ZCCHC17: variants seen among roughly 807,000 people sequenced by gnomAD.
ZCCHC17 encodes the protein zinc finger CCHC-type containing 17, also known as zinc finger CCHC domain-containing protein 17.
Under a neutral mutation model 30.6 loss-of-function variants are expected in ZCCHC17, and 18 were observed. The ratio of observed to expected loss-of-function variants is 0.59; its 90% CI spans 0.41 to 0.87. ZCCHC17 has a LOEUF of 0.87. Among genes scored for constraint, ZCCHC17 ranks in the 40% least tolerant of loss-of-function variants. The pLI, the probability that ZCCHC17 is intolerant of heterozygous loss-of-function variation, is 0.00. For synonymous variants in ZCCHC17, 88 were observed against 92.4 expected, an observed-to-expected ratio of 0.95 and a Z score of 0.27; for missense variants, 263 against 284.2, an observed-to-expected ratio of 0.93 and a Z score of 0.54.
At chr1:31,360,270 A>G (rs1186004739) in intron 7 of ZCCHC17, among the ~76,000 whole-genome samples, 1 of 152,142 alleles carries the variant, frequency 6.6e-6, no homozygotes, top group African/African-American at 2.4e-5. Flanking sequence ...CCCACGCTCA[A>G]GCGATTCTCC....
chr1:31,300,173 C>G (rs778840271), intron 1 of ZCCHC17, among the ~76,000 whole-genome samples: 1 of 152,154 alleles, frequency 6.6e-6, no homozygotes, highest in Non-Finnish European at 1.5e-5. Context: ...GATCCTCCCA[C>G]CTCAGCCTCT....
rs74065835 is a variant in ZCCHC17, at chr1:31,325,432, A to C, written c.124+6266A>C. ...GGGCTTTATGGTTCCTGGCCTCTCC[A>C]AGCTTCTGGGCACCACCATGTTCCC... On this transcript the variant is annotated intron_variant, in intron 3 of 7. Coordinates refer to ENST00000344147, the MANE Select transcript of ZCCHC17 (RefSeq NM_016505.4). Among the ~76,000 whole-genome samples, 392 of 152,272 alleles carry C rather than the reference A, an allele frequency of 2.6e-3. 2 individuals carry two copies. The highest frequency in any genetic ancestry group is 9.0e-3 in the African/African-American group (375 of 41,566).
At position 31,355,792 on chromosome 1, in the gene ZCCHC17, G is replaced by A. The variant is rs1639622093; in HGVS notation, c.564+6818G>A. 2.0e-5 allele frequency among the ~76,000 whole-genome samples: 3 copies of A among 152,118 alleles called. No homozygotes were observed. In the South Asian group the frequency reaches 6.2e-4, roughly 32 times the overall value. On this transcript the variant is annotated intron_variant, in intron 7 of 7. Coordinates refer to ENST00000344147, the MANE Select transcript of ZCCHC17 (RefSeq NM_016505.4). ...TAGCCATCATGTGATGTTATCTATT[G>A]ATTTGTTTCTGCTCACAACTGTAAA... is the stretch of plus-strand genomic sequence containing the variant.
intron 5 of ZCCHC17, among the ~76,000 whole-genome samples, chr1:31,342,362 T>A (rs1639080064): frequency 6.6e-6 from 1 of 152,128 alleles, no homozygotes; most frequent in Admixed American, 6.5e-5. Context: ...GTACTTTCAT[T>A]TACTCATTTG....
In ZCCHC17 at chr1:31,319,132, G is replaced by C; in HGVS notation, c.90G>C (p.Gly30=). The change falls in exon 3 of 8, where the codon GGG becomes GGC. Residue 30 remains glycine, a synonymous_variant. Transcript: ENST00000344147. The part of the protein sequence containing the change: ...QGEVAMVTDY[G]AFIKIPGCRK... ...AGGTTGCTATGGTGACAGACTATGG[G>C]GCCTTTATCAAAATCCCAGGCTGTC... The C allele has an allele frequency of 6.2e-7, 1 of 1,610,234 alleles. No individual in the cohort carries two copies. Among genetic ancestry groups the C allele is most frequent in the Admixed American group, 1.7e-5 (1 of 59,962 alleles).
At chr1:31,329,033 G>T (rs574534442) in intron 3 of ZCCHC17, among the ~76,000 whole-genome samples, 2 of 152,220 alleles carry the variant, frequency 1.3e-5, no homozygotes, top group South Asian at 4.1e-4. Flanking sequence ...CCCTCTGATC[G>T]CTTGGTCTTT....
chr1:31,328,830 T>C (rs1261265501), intron 3 of ZCCHC17, among the ~76,000 whole-genome samples: 1 of 152,154 alleles, frequency 6.6e-6, no homozygotes, highest in Middle Eastern at 3.2e-3. Flanking sequence ...CCAACCCTCC[T>C]CTTTCTTCCT....
chr1:31,339,931 T>G (rs1638971393), intron 5 of ZCCHC17, among the ~76,000 whole-genome samples: 1 of 151,490 alleles, frequency 6.6e-6, no homozygotes, highest in Admixed American at 6.6e-5. Context: ...CAAGGAATGT[T>G]CTGTCTGTCT....
chr1:31,310,853 A>T (rs978453020), intron 2 of ZCCHC17, among the ~76,000 whole-genome samples: 1 of 152,198 alleles, frequency 6.6e-6, no homozygotes, highest in Non-Finnish European at 1.5e-5. Context: ...ACATCTGGCC[A>T]TCACCCTTGA....
intron 3 of ZCCHC17, among the ~76,000 whole-genome samples, chr1:31,334,335 CTCTGTGTGTGTGTG>C (rs1401686637): frequency 2.8e-3 from 157 of 56,740 alleles, no homozygotes; most frequent in East Asian, 0.01. Context: ...CTCTCTCTCT[CTCTGTGTGTGTGTG>C]TGTGTGTGTG....
At chr1:31,329,927 G>A (rs1451321908) in intron 3 of ZCCHC17, among the ~76,000 whole-genome samples, 2 of 152,194 alleles carry the variant, frequency 1.3e-5, no homozygotes, top group Non-Finnish European at 2.9e-5. Flanking sequence ...CTATAATATA[G>A]TTTAAGCGTT....
At chr1:31,306,112 A>C (rs1255329953) in intron 1 of ZCCHC17, among the ~76,000 whole-genome samples, 1 of 152,202 alleles carries the variant, frequency 6.6e-6, no homozygotes, top group Admixed American at 6.5e-5. Context: ...CAAAACTAAC[A>C]TGAATGTTTT....
intron 2 of ZCCHC17, among the ~76,000 whole-genome samples, chr1:31,317,029 T>C (rs35811261): frequency 1.4e-5 from 2 of 146,296 alleles, no homozygotes; most frequent in Admixed American, 6.8e-5. Flanking sequence ...TTTTTCTTTT[T>C]TTTTTTTTTT....
intron 5 of ZCCHC17, among the ~76,000 whole-genome samples, chr1:31,344,698 A>G (rs1639174845): frequency 1.3e-5 from 2 of 152,214 alleles, no homozygotes; most frequent in Admixed American, 1.3e-4. Context: ...AGTCTGGTAG[A>G]AGCCACAGAG....
intron 5 of ZCCHC17, among the ~76,000 whole-genome samples, chr1:31,341,896 T>C (rs907235004): frequency 2.0e-5 from 3 of 152,214 alleles, no homozygotes; most frequent in African/African-American, 7.2e-5. Flanking sequence ...TTTTATCCTC[T>C]AATATCTGAG....
chr1:31,338,844 C>A, intron 4 of ZCCHC17, 113 bp from the exon 5 acceptor site: 1 of 657,690 alleles, frequency 1.5e-6, no homozygotes, highest in Non-Finnish European at 2.6e-6. Context: ...AGCACAGTAC[C>A]TGGTCCATTA....
rs117990250 is a variant in ZCCHC17 at position 31,304,015 on chromosome 1, A to C, written c.-55-6029A>C. Among the ~76,000 whole-genome samples, 3 of 152,214 alleles carry C rather than the reference A, an allele frequency of 2.0e-5. No homozygotes were observed. In the East Asian group the frequency reaches 5.8e-4, roughly 29 times the overall value. On this transcript the variant is annotated intron_variant, in intron 1 of 7. Coordinates refer to ENST00000344147, the MANE Select transcript of ZCCHC17 (RefSeq NM_016505.4). ...TCTGGGCCACCATTTCTTCTCCTGTATCCTTTACTTCCATCCCATACTTTC... is the reference window on the plus strand; with the variant it reads ...TCTGGGCCACCATTTCTTCTCCTGTCTCCTTTACTTCCATCCCATACTTTC...
intron 3 of ZCCHC17, among the ~76,000 whole-genome samples, chr1:31,320,920 T>C (rs1289905093): frequency 6.6e-6 from 1 of 152,198 alleles, no homozygotes; most frequent in Admixed American, 6.5e-5. Flanking sequence ...GAGGGTTCTA[T>C]TTTCTTTACA....
rs1322831277 is a variant in ZCCHC17 at position 31,318,091 on chromosome 1, C to CAT, written c.67-1014_67-1013dup. On this transcript the variant is annotated intron_variant, in intron 2 of 7. Transcript: ENST00000344147. ...GCAAAGCATTTTGAATATTATTTTG[C>CAT]ATATAGTGAGTATTCAGTATATATT... 7 of 1,101,506 alleles carry CAT rather than the reference C, an allele frequency of 6.4e-6. No homozygotes were observed. In the East Asian group the frequency reaches 1.6e-4, roughly 25 times the overall value. 68.2% of individuals were successfully genotyped at this position (1,101,506 alleles called of 1,614,324 possible).
Sources: allele counts gnomAD v4.1 joint callset (sites outside exome capture counted in the v4.1 genomes callset), GRCh38; gene constraint gnomAD v4.1.1; transcripts MANE v1.5; gene names NCBI Gene and HGNC (gene_info 2026-07-23, HGNC 2026-07-21).